The following CLASP2 variants were observed in gnomAD, a reference collection of about 807,000 sequenced individuals.
CLASP2 encodes the protein CLIP-associating protein 2.
CLASP2 carries 47 observed loss-of-function variants against 194.4 expected under a neutral mutation model. The observed-to-expected ratio is 0.24, with a 90% CI of 0.19 to 0.31. CLASP2 has a LOEUF of 0.31. Among genes scored for constraint, CLASP2 ranks in the 10% least tolerant of loss-of-function variants. The probability of loss-of-function intolerance (pLI) is 1.00; values close to 1 mark genes in which losing one functional copy is unlikely to be tolerated. For missense variants in CLASP2, 1,445 were observed against 1,823.6 expected (o/e 0.79, Z 3.78); for synonymous variants, 619 against 633.5 (o/e 0.98, Z 0.34).
intron 4 of CLASP2, among the ~76,000 whole-genome samples, chr3:33,687,984 C>T (rs568980013): frequency 2.0e-5 from 3 of 152,282 alleles, no homozygotes; most frequent in South Asian, 2.1e-4. Context: ...CAATCCAGAA[C>T]AGAAGTAGAT....
intron 36 of CLASP2, among the ~76,000 whole-genome samples, chr3:33,510,975 G>A (rs977666096): frequency 2.0e-5 from 3 of 151,656 alleles, no homozygotes; most frequent in African/African-American, 7.3e-5. Flanking sequence ...ATGGATACAT[G>A]GGCTTTATTA....
chr3:33,665,779 T>A (rs144183730), intron 6 of CLASP2, among the ~76,000 whole-genome samples: 62 of 152,302 alleles, frequency 4.1e-4, no homozygotes, highest in African/African-American at 1.5e-3. Flanking sequence ...TATACACTTA[T>A]TTTAGAAAAA....
rs150894687 is a variant in CLASP2 at position 33,631,914 on chromosome 3, G to A, written c.942+378C>T. 1.4e-4 allele frequency among the ~76,000 whole-genome samples: 21 copies of A among 152,112 alleles called. No homozygotes were observed. The East Asian group carries it at 3.9e-3, about 28-fold the overall frequency. The stretch of plus-strand genomic sequence containing the variant: ...ATGTTATGTACAATATAACATTTAT[G>A]TGTATTTTTAAGTCATGGAAATAAT... On this transcript the variant is annotated intron_variant, in intron 9 of 38. Transcript: ENST00000682230.
intron 12 of CLASP2, among the ~76,000 whole-genome samples, chr3:33,612,771 T>A (rs946660439): frequency 5.9e-5 from 9 of 152,060 alleles, no homozygotes; most frequent in African/African-American, 1.9e-4. Context: ...GCATGCAGGA[T>A]ATGTATTAGG....
At chr3:33,573,529 G>T in intron 24 of CLASP2, 175 bp from the exon 25 acceptor site, 2 of 711,668 alleles carry the variant, frequency 2.8e-6, no homozygotes, top group Non-Finnish European at 4.9e-6. Flanking sequence ...ACAAGTTTTA[G>T]AAGTTAGTAG....
chr3:33,573,572 T>C (rs893574736), intron 24 of CLASP2: 3 of 598,984 alleles, frequency 5.0e-6, no homozygotes, highest in East Asian at 6.1e-5. Context: ...TGGGAAGTGG[T>C]AGAAGCAGAG....
At chr3:33,640,751 G>A (rs956058213) in intron 8 of CLASP2, among the ~76,000 whole-genome samples, 3 of 151,882 alleles carry the variant, frequency 2.0e-5, no homozygotes, top group Non-Finnish European at 4.4e-5. Flanking sequence ...CAGGAATAGG[G>A]ATATTATAAC....
intron 16 of CLASP2, among the ~76,000 whole-genome samples, chr3:33,605,256 T>C (rs2154258556): frequency 6.6e-6 from 1 of 152,262 alleles, no homozygotes; most frequent in Middle Eastern, 3.4e-3. Flanking sequence ...TTCAGGTGAT[T>C]TGTATATACT....
At chr3:33,700,053 G>C (rs1211604175) in intron 1 of CLASP2, among the ~76,000 whole-genome samples, 1 of 147,924 alleles carries the variant, frequency 6.8e-6, no homozygotes, top group Non-Finnish European at 1.5e-5. Flanking sequence ...AAATCTTCAG[G>C]GAAAAAAATA....
At chr3:33,550,890 C>T (rs1470093964) in intron 30 of CLASP2, among the ~76,000 whole-genome samples, 1 of 152,012 alleles carries the variant, frequency 6.6e-6, no homozygotes, top group African/African-American at 2.4e-5. Context: ...GACGGATATA[C>T]CTAATGTCTA....
intron 10 of CLASP2, among the ~76,000 whole-genome samples, chr3:33,624,283 A>C (rs1245512288): frequency 6.6e-6 from 1 of 152,168 alleles, no homozygotes; most frequent in Admixed American, 6.5e-5. Flanking sequence ...TAAATGTAAA[A>C]AAACCCTGCT....
intron 7 of CLASP2, chr3:33,659,791 GC>G (rs1303531723): frequency 3.3e-5 from 5 of 152,210 alleles, no homozygotes; most frequent in Non-Finnish European, 7.3e-5. Context: ...CTGAAGGCAG[GC>G]CCTGGAGCTC....
chr3:33,649,394 CT>C (rs1351476499), intron 7 of CLASP2, among the ~76,000 whole-genome samples: 9 of 152,168 alleles, frequency 5.9e-5, no homozygotes, highest in African/African-American at 2.2e-4. Context: ...AACTTTGCCC[CT>C]GTTATATCTT....
At chr3:33,638,665 T>C (rs1056044742) in intron 8 of CLASP2, among the ~76,000 whole-genome samples, 3 of 152,164 alleles carry the variant, frequency 2.0e-5, no homozygotes, top group African/African-American at 4.8e-5. Context: ...AAATGATCAG[T>C]TGATGAAAAA....
At chr3:33,607,060 T>C (rs1210735828) in intron 15 of CLASP2, among the ~76,000 whole-genome samples, 1 of 152,232 alleles carries the variant, frequency 6.6e-6, no homozygotes, top group African/African-American at 2.4e-5. Flanking sequence ...CGGAGGATCA[T>C]TCTAAGGATT....
intron 21 of CLASP2, among the ~76,000 whole-genome samples, chr3:33,590,534 C>T (rs2068519141): frequency 2.6e-5 from 4 of 152,108 alleles, no homozygotes. Flanking sequence ...GATTAAGTTA[C>T]TCTAAAAATA....
chr3:33,710,681 T>C (rs1396369300), intron 1 of CLASP2, among the ~76,000 whole-genome samples: 1 of 152,204 alleles, frequency 6.6e-6, no homozygotes, highest in Non-Finnish European at 1.5e-5. Context: ...ACGCCTGTAA[T>C]CCCAGTACTT....
intron 26 of CLASP2, among the ~76,000 whole-genome samples, chr3:33,570,341 T>C (rs1050670441): frequency 2.6e-5 from 4 of 152,278 alleles, no homozygotes; most frequent in South Asian, 4.1e-4. Flanking sequence ...TATTTCAAAA[T>C]TGAAACATAT....
At chr3:33,559,470 A>C in intron 28 of CLASP2, 85 bp from the exon 29 acceptor site, 1 of 732,648 alleles carries the variant, frequency 1.4e-6, no homozygotes, top group South Asian at 1.6e-5. Flanking sequence ...TAATACCAAA[A>C]CATAATGTCA....
Sources: allele counts gnomAD v4.1 joint callset (sites outside exome capture counted in the v4.1 genomes callset), GRCh38; gene constraint gnomAD v4.1.1; transcripts MANE v1.5; gene names NCBI Gene and HGNC (gene_info 2026-07-23, HGNC 2026-07-21).